Variants in TUB observed in about 807,000 individuals in gnomAD.
TUB encodes tubby protein homolog.
Under a neutral mutation model 59.7 loss-of-function variants are expected in TUB, and 33 were observed. That is an observed-to-expected ratio of 0.55 (90% CI 0.42 to 0.74). TUB has a LOEUF of 0.74. Ranked by LOEUF, TUB falls within the 30% of genes least tolerant of loss-of-function variation. The pLI, the probability that TUB is intolerant of heterozygous loss-of-function variation, is 0.00. For missense variants in TUB, 659 were observed against 672.0 expected, an observed-to-expected ratio of 0.98 and a Z score of 0.21; for synonymous variants, 293 against 256.4, an observed-to-expected ratio of 1.14 and a Z score of -1.36.
At chr11:8,072,191 C>T (rs1943372423) in intron 2 of TUB, among the ~76,000 whole-genome samples, 1 of 152,140 alleles carries the variant, frequency 6.6e-6, no homozygotes. Context: ...CGGGTACTGC[C>T]CCACAGCCCC....
intron 2 of TUB, among the ~76,000 whole-genome samples, chr11:8,058,234 AAAAG>A: frequency 6.6e-6 from 1 of 151,860 alleles, no homozygotes; most frequent in Non-Finnish European, 1.5e-5. Context: ...AAAAAAAAAA[AAAAG>A]AAGCGGTATA....
At chr11:8,096,856 C>T (rs767876725) in intron 6 of TUB, 50 bp downstream of exon 6, 10 of 1,594,786 alleles carry the variant, frequency 6.3e-6, no homozygotes, top group South Asian at 3.3e-5. Flanking sequence ...ACTGCTCATC[C>T]GTTAGAGGTG....
intron 2 of TUB, among the ~76,000 whole-genome samples, chr11:8,040,971 TC>T (rs1256794825): frequency 6.6e-6 from 1 of 152,228 alleles, no homozygotes; most frequent in Non-Finnish European, 1.5e-5. Context: ...TGTGGTAGAC[TC>T]AGAATTAGAA....
chr11:8,019,505 C>G, intron 1 of TUB: 1 of 754,450 alleles, frequency 1.3e-6, no homozygotes. Flanking sequence ...CATCCGGGAC[C>G]CAGAGCCTCG....
Position 8,100,670 on chromosome 11 carries a change from A to AAC in TUB, c.1215+70_1215+71dup. On this transcript the variant is annotated intron_variant, in intron 10 of 11. Coordinates refer to ENST00000299506, the MANE Select transcript of TUB (RefSeq NM_177972.3). ...TCTCTGCATGAGCTTCTAAGGGCAG[A>AAC]ACTCCAGCTGATGTGTGTATGTGGA... 5 of 1,556,324 alleles carry AAC rather than the reference A, an allele frequency of 3.2e-6. No homozygotes were observed. In the South Asian group the frequency reaches 5.6e-5, roughly 17 times the overall value.
chr11:8,037,825 T>G (rs1942673327), upstream of TUB, among the ~76,000 whole-genome samples: 3 of 152,110 alleles, frequency 2.0e-5, no homozygotes, highest in Non-Finnish European at 2.9e-5. Context: ...TTAAGTAGGC[T>G]GGGAGGACAT....
In TUB at chr11:8,022,259, TACTC is replaced by T. The variant is rs536696568; in HGVS notation, c.56+2903_56+2906del. Among the ~76,000 whole-genome samples the T allele has an allele frequency of 1.5e-4, 23 of 152,308 alleles. No homozygotes were observed. The South Asian group carries it at 3.3e-3, about 22-fold the overall frequency. On this transcript the variant is annotated intron_variant, in intron 1 of 11. Coordinates refer to the TUB transcript ENST00000534099. Reference sequence around the variant, plus strand: ...ATTGAATTATTCAAAAATTACACAATACTCAATCAAGCTGTTAAAACCATTACAC... The same window carrying T: ...ATTGAATTATTCAAAAATTACACAATAATCAAGCTGTTAAAACCATTACAC...
chr11:8,099,857 A>G (rs1028469883), intron 9 of TUB, among the ~76,000 whole-genome samples: 6 of 152,216 alleles, frequency 3.9e-5, no homozygotes, highest in African/African-American at 1.2e-4. Context: ...AAAGTCCTGA[A>G]TGCCTGGCAT....
intron 1 of TUB, among the ~76,000 whole-genome samples, chr11:8,085,616 G>A (rs1323677389): frequency 1.3e-5 from 2 of 152,240 alleles, no homozygotes; most frequent in African/African-American, 4.8e-5. Flanking sequence ...CCTGGGTCCA[G>A]CAGGGGTAGC....
intron 2 of TUB, among the ~76,000 whole-genome samples, chr11:8,057,344 C>A (rs538125588): frequency 6.6e-6 from 1 of 152,086 alleles, no homozygotes; most frequent in African/African-American, 2.4e-5. Flanking sequence ...GGCCCAGTAA[C>A]GAGATGCAGA....
chr11:8,081,059 C>T (rs1405339257), upstream of TUB, among the ~76,000 whole-genome samples: 1 of 149,594 alleles, frequency 6.7e-6, no homozygotes, highest in Non-Finnish European at 1.5e-5. Context: ...TGGGAGCCGG[C>T]GCGGTCACGC....
chr11:8,051,755 C>T (rs1405244892), intron 2 of TUB, among the ~76,000 whole-genome samples: 2 of 152,192 alleles, frequency 1.3e-5, no homozygotes, highest in Non-Finnish European at 2.9e-5. Context: ...AAAGCTCCCC[C>T]ACTCCCTGCA....
intron 5 of TUB, among the ~76,000 whole-genome samples, chr11:8,096,168 G>A (rs555253988): frequency 4.6e-4 from 70 of 152,328 alleles, no homozygotes; most frequent in East Asian, 1.9e-3. Context: ...AATGGCAGGC[G>A]GGAGGACAGC....
chr11:8,035,548 G>A (rs1432144012), upstream of TUB: 2 of 152,410 alleles, frequency 1.3e-5, no homozygotes, highest in Non-Finnish European at 1.5e-5. Context: ...GGGACCCAAA[G>A]GGCCCCTCCA....
intron 1 of TUB, among the ~76,000 whole-genome samples, chr11:8,030,097 G>A (rs1404191620): frequency 1.2e-4 from 19 of 152,092 alleles, no homozygotes; most frequent in Non-Finnish European, 1.5e-5. Context: ...TGGTGGAGAG[G>A]GGAGTCGGGT....
At chr11:8,048,385 TG>T in intron 2 of TUB, among the ~76,000 whole-genome samples, 1 of 152,304 alleles carries the variant, frequency 6.6e-6, no homozygotes, top group Middle Eastern at 3.4e-3. Context: ...AGGTGCTTTT[TG>T]TTTTGTTTGT....
At chr11:8,046,411 C>A (rs1204241325) in intron 2 of TUB, among the ~76,000 whole-genome samples, 1 of 152,116 alleles carries the variant, frequency 6.6e-6, no homozygotes, top group Non-Finnish European at 1.5e-5. Context: ...ATCACACAGA[C>A]CCCTCAAACT....
chr11:8,065,978 G>GT (rs1168516697), intron 2 of TUB, among the ~76,000 whole-genome samples: 3 of 152,192 alleles, frequency 2.0e-5, no homozygotes, highest in Non-Finnish European at 2.9e-5. Context: ...GCGGTGAAGC[G>GT]TTTCTCTCTG....
intron 2 of TUB, among the ~76,000 whole-genome samples, chr11:8,055,470 C>A (rs551992154): frequency 3.3e-5 from 5 of 152,270 alleles, no homozygotes; most frequent in Admixed American, 3.3e-4. Flanking sequence ...GGCATCTGCC[C>A]ATCATGGGCC....
Sources: gnomAD v4.1 joint callset for allele counts (sites outside exome capture counted in the v4.1 genomes callset) on GRCh38, gnomAD v4.1.1 for gene constraint, MANE v1.5 for transcripts, NCBI Gene and HGNC (gene_info 2026-07-23, HGNC 2026-07-21) for gene names.